The following DYNC2I1 variants were observed in gnomAD, a reference collection of about 807,000 sequenced individuals.
DYNC2I1 encodes cytoplasmic dynein 2 intermediate chain 1.
DYNC2I1 carries 89 observed loss-of-function variants against 133.4 expected under a neutral mutation model. That is an observed-to-expected ratio of 0.67 (90% confidence interval 0.56 to 0.80). DYNC2I1 has a LOEUF of 0.80. DYNC2I1 is among the 30% of genes least tolerant of loss of function. DYNC2I1 has a pLI of 0.00. For missense variants in DYNC2I1, 1,291 were observed against 1,314.5 expected, an observed-to-expected ratio of 0.98 and a Z score of 0.28; for synonymous variants, 504 against 484.3, an observed-to-expected ratio of 1.04 and a Z score of -0.54.
the DYNC2I1 span, among the ~76,000 whole-genome samples, chr7:158,842,798 G>A: frequency 6.6e-6 from 1 of 152,220 alleles, no homozygotes; most frequent in Non-Finnish European, 1.5e-5. Flanking sequence ...CAAGTAGAAA[G>A]ATATAAAACT....
intron 1 of DYNC2I1, among the ~76,000 whole-genome samples, chr7:158,864,739 C>G (rs1842249537): frequency 6.6e-6 from 1 of 152,062 alleles, no homozygotes; most frequent in Non-Finnish European, 1.5e-5. Flanking sequence ...CTCCTGGGCT[C>G]AAGTAATCTT....
At chr7:158,907,271 T>G (rs966900934) in intron 11 of DYNC2I1, among the ~76,000 whole-genome samples, 12 of 129,294 alleles carry the variant, frequency 9.3e-5, no homozygotes, top group Non-Finnish European at 1.8e-4. Context: ...CCCCATGGCC[T>G]TCTTTTTTTT....
intron 12 of DYNC2I1, among the ~76,000 whole-genome samples, chr7:158,912,357 T>G (rs1847565600): frequency 6.6e-6 from 1 of 152,250 alleles, no homozygotes; most frequent in Non-Finnish European, 1.5e-5. Flanking sequence ...ACCACCAATC[T>G]TAACATTGTC....
At chr7:158,883,855 GGA>G (rs1178842987) in intron 5 of DYNC2I1, among the ~76,000 whole-genome samples, 12 of 147,418 alleles carry the variant, frequency 8.1e-5, no homozygotes, top group Middle Eastern at 3.6e-3. Flanking sequence ...TAGTAGAGAC[GGA>G]GTTTCACCGT....
Position 158,871,364 on chromosome 7 carries a change from G to C in DYNC2I1, c.292G>C (p.Asp98His), listed in dbSNP as rs1262769608. ...GAGGGAGAGGAGAAGAGACGCAAAA[G>C]ACCGGGAGAAAGAAAAGCTGAAGGA... ...RQRERRRDAK[D>H]REKEKLKEKH... The change falls in exon 3 of 25, where the codon GAC becomes CAC. Residue 98 changes from aspartate to histidine, a missense_variant. Physicochemically the swap from Asp to His is moderately conservative, Grantham distance 81. Transcript: ENST00000407559. The C allele has an allele frequency of 2.6e-6, 4 of 1,550,942 alleles. No individual in the cohort carries two copies. Among genetic ancestry groups the C allele is most frequent in the Non-Finnish European group, 3.5e-6 (4 of 1,146,608 alleles).
At chr7:158,856,520 G>T (rs1841236782), upstream of DYNC2I1, 2 of 419,412 alleles carry the variant, frequency 4.8e-6, no homozygotes, top group South Asian at 1.3e-4. Context: ...GCTCCTGCCT[G>T]CCAGGTGCTA....
chr7:158,856,135 A>G (rs574711208), upstream of DYNC2I1, among the ~76,000 whole-genome samples: 2 of 149,616 alleles, frequency 1.3e-5, no homozygotes, highest in South Asian at 2.1e-4. Context: ...TTTAGTAGAG[A>G]CGGGGTTTCA....
downstream of DYNC2I1, among the ~76,000 whole-genome samples, chr7:158,950,179 C>G (rs983449853): frequency 2.0e-5 from 3 of 152,134 alleles, no homozygotes; most frequent in African/African-American, 7.2e-5. Context: ...TTCTCGTGCT[C>G]CAGCCTCCCA....
At chr7:158,929,354 G>C (rs942761419) in intron 20 of DYNC2I1, among the ~76,000 whole-genome samples, 1 of 152,266 alleles carries the variant, frequency 6.6e-6, no homozygotes, top group Non-Finnish European at 1.5e-5. Context: ...GCGAGTGGTG[G>C]TGGACTTACT....
rs1849333597 is a variant in DYNC2I1 at position 158,923,737 on chromosome 7, A to G, written c.2257+4A>G. 7 of 1,601,480 alleles carry G rather than the reference A, an allele frequency of 4.4e-6. No homozygotes were observed. Among genetic ancestry groups the G allele is most frequent in the African/African-American group, 1.3e-5 (1 of 74,614 alleles). The stretch of plus-strand genomic sequence containing the variant: ...CGGACCGCCACGTTTTCCACCGGTC[A>G]GTGTCATCTGCCTGCCAATTGTGTG... On this transcript the variant is annotated splice_donor_region_variant and intron_variant, in intron 17 of 24. Coordinates refer to ENST00000407559, the MANE Select transcript of DYNC2I1 (RefSeq NM_018051.5).
At chr7:158,935,928 G>A (rs975735737) in intron 23 of DYNC2I1, among the ~76,000 whole-genome samples, 11 of 152,132 alleles carry the variant, frequency 7.2e-5, no homozygotes, top group Admixed American at 3.9e-4. Flanking sequence ...ATCTGGGCAC[G>A]GTGGCCCAAA....
intron 11 of DYNC2I1, among the ~76,000 whole-genome samples, chr7:158,911,124 G>C (rs1454234269): frequency 1.3e-5 from 2 of 152,198 alleles, no homozygotes; most frequent in Non-Finnish European, 2.9e-5. Context: ...GGAAAAGAGC[G>C]TGGCCCAAAA....
At chr7:158,940,183 ACATTTTTTCC>A (rs1585246291) in intron 23 of DYNC2I1, among the ~76,000 whole-genome samples, 1 of 152,284 alleles carries the variant, frequency 6.6e-6, no homozygotes, top group East Asian at 1.9e-4. Context: ...TTTGTGGAAG[ACATTTTTTCC>A]CAGAACTGGG....
At chr7:158,902,079 C>T (rs1480119964) in intron 9 of DYNC2I1, among the ~76,000 whole-genome samples, 2 of 152,140 alleles carry the variant, frequency 1.3e-5, no homozygotes, top group Non-Finnish European at 2.9e-5. Flanking sequence ...ACATAGGTAT[C>T]TATAAAAATA....
At chr7:158,841,215 A>ATTTTT in the DYNC2I1 span, among the ~76,000 whole-genome samples, 1 of 59,786 alleles carries the variant, frequency 1.7e-5, no homozygotes, top group African/African-American at 6.9e-5. Flanking sequence ...ATATATATAT[A>ATTTTT]TATATATTTT....
intron 1 of DYNC2I1, among the ~76,000 whole-genome samples, chr7:158,864,340 G>A (rs1319842941): frequency 6.6e-6 from 1 of 151,984 alleles, no homozygotes; most frequent in Non-Finnish European, 1.5e-5. Context: ...GTTGGGCCGC[G>A]GTGTCTCTGT....
At chr7:158,924,510 T>C (rs1213353750) in intron 17 of DYNC2I1, among the ~76,000 whole-genome samples, 2 of 152,240 alleles carry the variant, frequency 1.3e-5, no homozygotes, top group African/African-American at 4.8e-5. Flanking sequence ...GGCCACTTTT[T>C]AAATTCCCCA....
At chr7:158,944,924 C>T (rs1851727606) in intron 24 of DYNC2I1, among the ~76,000 whole-genome samples, 1 of 152,184 alleles carries the variant, frequency 6.6e-6, no homozygotes, top group African/African-American at 2.4e-5. Context: ...CTACCAGCCA[C>T]AGGAGGGGGT....
chr7:158,889,240 C>T (rs1231479875), intron 7 of DYNC2I1, among the ~76,000 whole-genome samples: 1 of 152,104 alleles, frequency 6.6e-6, no homozygotes, highest in African/African-American at 2.4e-5. Flanking sequence ...GTCACCACAC[C>T]TGGCTAATTT....
Sources: allele counts gnomAD v4.1 joint callset (sites outside exome capture counted in the v4.1 genomes callset), GRCh38; gene constraint gnomAD v4.1.1; transcripts MANE v1.5; gene names NCBI Gene and HGNC (gene_info 2026-07-23, HGNC 2026-07-21).